The following SLC1A3 variants were observed in gnomAD, a reference collection of about 807,000 sequenced individuals.
The protein encoded by SLC1A3 is excitatory amino acid transporter 1.
A neutral mutation model predicts 48.1 loss-of-function variants in SLC1A3; 21 were observed. The ratio of observed to expected loss-of-function variants is 0.44; its 90% CI spans 0.31 to 0.63. The LOEUF is 0.63. Ranked by LOEUF, SLC1A3 falls within the 20% of genes least tolerant of loss-of-function variation. The pLI, the probability that SLC1A3 is intolerant of heterozygous loss-of-function variation, is 0.08. For synonymous variants in SLC1A3, 239 were observed against 251.4 expected (o/e 0.95, Z 0.47); for missense variants, 546 against 689.0 (o/e 0.79, Z 2.32).
Position 36,677,179 on chromosome 5 carries a change from A to C in SLC1A3, c.855A>C (p.Ile285=). The change falls in exon 6 of 10, where the codon ATA becomes ATC. Residue 285 remains isoleucine (I), a synonymous_variant. Transcript: ENST00000265113. ...NEAIMRLVAV[I]MWYAPVGILF... Reference sequence around the variant, plus strand: ...CCATCATGAGACTGGTAGCAGTAATAATGTGGTATGTATTTCCATTTTCTA... The same window carrying C: ...CCATCATGAGACTGGTAGCAGTAATCATGTGGTATGTATTTCCATTTTCTA... The C allele has an allele frequency of 1.9e-6, 3 of 1,612,808 alleles. No homozygotes were observed. The highest frequency in any genetic ancestry group is 2.5e-6 in the Non-Finnish European group (3 of 1,178,786).
At chr5:36,629,898 A>G in intron 3 of SLC1A3, 1 of 387,952 alleles carries the variant, frequency 2.6e-6, no homozygotes, top group Admixed American at 3.8e-5. Flanking sequence ...GTAGTTGACA[A>G]CAGCGTACAA....
At chr5:36,643,765 C>T (rs747406486) in intron 3 of SLC1A3, among the ~76,000 whole-genome samples, 7 of 151,954 alleles carry the variant, frequency 4.6e-5, no homozygotes, top group East Asian at 1.9e-4. Context: ...GTGGCCGAGG[C>T]GGGTGGATCA....
intron 3 of SLC1A3, among the ~76,000 whole-genome samples, chr5:36,661,215 C>T (rs984031081): frequency 3.9e-5 from 6 of 152,174 alleles, no homozygotes; most frequent in African/African-American, 1.4e-4. Context: ...AGTGCGAGAC[C>T]AGACAGGCCA....
At chr5:36,604,913 G>C (rs1355152031), upstream of SLC1A3, among the ~76,000 whole-genome samples, 3 of 149,376 alleles carry the variant, frequency 2.0e-5, no homozygotes, top group Non-Finnish European at 4.5e-5. Context: ...CGGTGGGGGG[G>C]GGGGGTGTGC....
At chr5:36,605,141 T>C (rs990210329), upstream of SLC1A3, among the ~76,000 whole-genome samples, 9 of 152,234 alleles carry the variant, frequency 5.9e-5, no homozygotes, top group African/African-American at 1.9e-4. Flanking sequence ...ATATTGACTC[T>C]GTATTAGGTA....
chr5:36,625,188 T>G (rs12188037), intron 2 of SLC1A3, among the ~76,000 whole-genome samples: 14,000 of 152,326 alleles, frequency 0.092, 894 homozygotes, highest in East Asian at 0.22. Context: ...CCTGGTACAG[T>G]GGCTCACGCC....
At chr5:36,614,081 G>C (rs533225206) in intron 2 of SLC1A3, among the ~76,000 whole-genome samples, 1 of 152,148 alleles carries the variant, frequency 6.6e-6, no homozygotes, top group African/African-American at 2.4e-5. Flanking sequence ...TTTATGTCCA[G>C]TTCTGGAACT....
chr5:36,678,770 A>G (rs578137754), intron 6 of SLC1A3, among the ~76,000 whole-genome samples: 1 of 152,312 alleles, frequency 6.6e-6, no homozygotes, highest in Admixed American at 6.5e-5. Flanking sequence ...GTCTCAGTTT[A>G]TTGTCTGCAG....
intron 1 of SLC1A3, among the ~76,000 whole-genome samples, chr5:36,600,988 T>C (rs1189641777): frequency 6.6e-6 from 1 of 152,152 alleles, no homozygotes; most frequent in Non-Finnish European, 1.5e-5. Context: ...GCTTTAAAAA[T>C]TTGCATATTT....
chr5:36,686,422 G>A lies in SLC1A3; in HGVS notation c.*153G>A. 2.9e-6 allele frequency: 2 copies of A among 686,690 alleles called. No homozygotes were observed. Among genetic ancestry groups the A allele is most frequent in the Non-Finnish European group, 5.1e-6 (2 of 391,632 alleles). 42.5% of individuals were successfully genotyped at this position (686,690 alleles called of 1,614,324 possible). On this transcript the variant is annotated 3_prime_UTR_variant, in exon 10 of 10. Coordinates refer to ENST00000265113, the MANE Select transcript of SLC1A3 (RefSeq NM_004172.5). Reference sequence around the variant, plus strand: ...GGAAAATAGTCCTCCAAAACACAAGGGAGGATTTTGGGTGGCCAAAGTGTA... The same window carrying A: ...GGAAAATAGTCCTCCAAAACACAAGAGAGGATTTTGGGTGGCCAAAGTGTA...
chr5:36,655,193 G>GAGATTCTGCTTTAATATT (rs1342554918), intron 3 of SLC1A3, among the ~76,000 whole-genome samples: 1 of 152,174 alleles, frequency 6.6e-6, no homozygotes, highest in Non-Finnish European at 1.5e-5. Context: ...ACTACACTCT[G>GAGATTCTGCTTTAATATT]AGATTCTGCT....
At chr5:36,685,932 C>T (rs540803029) in intron 9 of SLC1A3, 133 bp from the exon 10 acceptor site, 96 of 733,302 alleles carry the variant, frequency 1.3e-4, no homozygotes, top group Admixed American at 6.0e-4. Context: ...GTGTCTATTA[C>T]GTAATCTTGC....
chr5:36,608,775 G>C, intron 2 of SLC1A3, 171 bp downstream of exon 2: 1 of 1,439,856 alleles, frequency 6.9e-7, no homozygotes, highest in Middle Eastern at 2.2e-4. Flanking sequence ...GGCTTGTTTG[G>C]AGCAATATAT....
At chr5:36,609,197 T>C (rs1739094488) in intron 2 of SLC1A3, 4 of 981,774 alleles carry the variant, frequency 4.1e-6, no homozygotes, top group Non-Finnish European at 4.8e-6. Flanking sequence ...TAACCAGCTA[T>C]ACCTTTTTTT....
chr5:36,679,753 A>T lies in SLC1A3; in HGVS notation c.987A>T (p.Ala329=), dbSNP rs571233577. ...TCATTGTTGGCTTACTCATTCACGC[A>T]GTCATCGTCTTGCCACTCCTCTACT... The part of the protein sequence containing the change: ...VTVIVGLLIH[A]VIVLPLLYFL... The change falls in exon 7 of 10, where the codon GCA becomes GCT. Residue 329 remains alanine, a synonymous_variant. Coordinates refer to ENST00000265113, the MANE Select transcript of SLC1A3 (RefSeq NM_004172.5). The T allele has an allele frequency of 1.9e-6, 3 of 1,614,164 alleles. No individual in the cohort carries two copies. Among genetic ancestry groups the T allele is most frequent in the Middle Eastern group, 1.6e-4 (1 of 6,062 alleles).
intron 3 of SLC1A3, among the ~76,000 whole-genome samples, chr5:36,635,338 A>G (rs918287768): frequency 6.6e-6 from 1 of 152,222 alleles, no homozygotes; most frequent in African/African-American, 2.4e-5. Context: ...TGGCGGTAAG[A>G]GTAGCAGCAA....
chr5:36,608,474 A>T lies in SLC1A3; in HGVS notation c.51A>T (p.Arg17Ser). Residue 17 changes from arginine to serine, a missense_variant, in exon 2 of 10, where the codon AGA (arginine) becomes AGT (serine). By Grantham distance (110) the Arg-to-Ser change is moderately radical (BLOSUM62 -1). Around this residue, in one of 3 missense-constraint regions of SLC1A3, gnomAD observed 348 missense variants for 392.0 expected, o/e 0.89. Coordinates refer to ENST00000265113, the MANE Select transcript of SLC1A3 (RefSeq NM_004172.5). ...EEPKMGGRME[R>S]FQQGVRKRTL... The stretch of plus-strand genomic sequence containing the variant: ...CCAAGATGGGGGGCAGGATGGAGAG[A>T]TTCCAGCAGGGAGTCCGTAAACGCA... The T allele has an allele frequency of 1.9e-6, 3 of 1,614,088 alleles. No homozygotes were observed. The highest frequency in any genetic ancestry group is 2.5e-6 in the Non-Finnish European group (3 of 1,179,938).
At chr5:36,611,742 GTCTT>G (rs935885505) in intron 2 of SLC1A3, among the ~76,000 whole-genome samples, 6 of 152,178 alleles carry the variant, frequency 3.9e-5, no homozygotes, top group African/African-American at 1.4e-4. Flanking sequence ...AGTGGTTATT[GTCTT>G]TCTTCCTCCA....
At chr5:36,636,424 A>G (rs181575524) in intron 3 of SLC1A3, 96 of 151,492 alleles carry the variant, frequency 6.3e-4, no homozygotes, top group African/African-American at 2.2e-3. Context: ...CTCTATTAGC[A>G]GAGAAGAAGG....
Sources: allele counts gnomAD v4.1 joint callset (sites outside exome capture counted in the v4.1 genomes callset), GRCh38; gene constraint gnomAD v4.1.1; regional missense constraint gnomAD v4.1.1; transcripts MANE v1.5; gene names NCBI Gene and HGNC (gene_info 2026-07-23, HGNC 2026-07-21).